RBMS3: variants seen among roughly 807,000 people sequenced by gnomAD.
The protein encoded by RBMS3 is RNA-binding motif, single-stranded-interacting protein 3.
A neutral mutation model predicts 66.8 loss-of-function variants in RBMS3; 27 were observed. The observed-to-expected ratio is 0.40, with a 90% CI of 0.30 to 0.56. The LOEUF (loss-of-function observed/expected upper bound fraction) is 0.56, where lower values mean the gene tolerates loss of function less well. Among genes scored for constraint, RBMS3 ranks in the 20% least tolerant of loss-of-function variants. The probability of loss-of-function intolerance (pLI) is 0.40; values close to 1 mark genes in which losing one functional copy is unlikely to be tolerated. For missense variants in RBMS3, 513 were observed against 549.5 expected, an observed-to-expected ratio of 0.93 and a Z score of 0.66; for synonymous variants, 188 against 183.0, an observed-to-expected ratio of 1.03 and a Z score of -0.22.
intron 4 of RBMS3, among the ~76,000 whole-genome samples, chr3:29,633,015 A>G (rs933192761): frequency 6.6e-6 from 1 of 151,930 alleles, no homozygotes; most frequent in African/African-American, 2.4e-5. Flanking sequence ...ACTTGTATAC[A>G]TTACACTTGA....
At chr3:29,506,036 C>A (rs987663803) in intron 3 of RBMS3, among the ~76,000 whole-genome samples, 1 of 151,818 alleles carries the variant, frequency 6.6e-6, no homozygotes, top group African/African-American at 2.4e-5. Flanking sequence ...GATAATTTAA[C>A]TTCTTCCTTT....
chr3:29,533,651 C>T (rs1017191021), intron 3 of RBMS3, among the ~76,000 whole-genome samples: 1 of 152,074 alleles, frequency 6.6e-6, no homozygotes, highest in African/African-American at 2.4e-5. Flanking sequence ...ATGGCACATG[C>T]CTGTAGTCCC....
At chr3:29,948,775 A>G (rs977080161) in intron 12 of RBMS3, among the ~76,000 whole-genome samples, 4 of 151,840 alleles carry the variant, frequency 2.6e-5, no homozygotes, top group African/African-American at 9.7e-5. Context: ...TTTCTTTGTA[A>G]TAAGTTCTTA....
At chr3:29,617,788 C>A (rs1386045402) in intron 4 of RBMS3, among the ~76,000 whole-genome samples, 2 of 152,072 alleles carry the variant, frequency 1.3e-5, no homozygotes, top group African/African-American at 4.8e-5. Context: ...TGGAAAAAAT[C>A]AATGAATATA....
chr3:29,442,181 C>G lies in RBMS3; in HGVS notation c.248+7266C>G, dbSNP rs140470216. On this transcript the variant is annotated intron_variant, in intron 2 of 14. Coordinates refer to ENST00000383767, the MANE Select transcript of RBMS3 (RefSeq NM_001003793.3). The stretch of plus-strand genomic sequence containing the variant: ...AAGCAAGAAACTCTTCCTATTTTGA[C>G]TCATATGATTAAATTTCTATATATA... Among the ~76,000 whole-genome samples, 849 of 152,174 alleles carry G rather than the reference C, an allele frequency of 5.6e-3. 9 individuals are homozygous for G. Among genetic ancestry groups the G allele is most frequent in the African/African-American group, 0.019 (809 of 41,526 alleles).
chr3:29,690,074 T>C (rs2051911847), intron 4 of RBMS3, among the ~76,000 whole-genome samples: 1 of 151,848 alleles, frequency 6.6e-6, no homozygotes. Flanking sequence ...GTATACATTT[T>C]ATTAATCACA....
intron 4 of RBMS3, among the ~76,000 whole-genome samples, chr3:29,739,433 G>A (rs555940813): frequency 6.9e-6 from 1 of 145,878 alleles, no homozygotes; most frequent in Non-Finnish European, 1.5e-5. Flanking sequence ...TCCAGCCTGG[G>A]CTACAGAGCG....
chr3:29,303,252 G>T (rs755080041), intron 1 of RBMS3, among the ~76,000 whole-genome samples: 20 of 152,030 alleles, frequency 1.3e-4, no homozygotes, highest in Non-Finnish European at 2.8e-4. Flanking sequence ...TGAAGTTGAG[G>T]TCACAACCTT....
intron 1 of RBMS3, among the ~76,000 whole-genome samples, chr3:29,366,612 C>G (rs140075170): frequency 6.6e-6 from 1 of 151,998 alleles, no homozygotes; most frequent in Non-Finnish European, 1.5e-5. Flanking sequence ...TGGGATCAAG[C>G]GATCTGCCCG....
intron 4 of RBMS3, among the ~76,000 whole-genome samples, chr3:29,613,226 G>A (rs1453393439): frequency 6.6e-6 from 1 of 152,136 alleles, no homozygotes. Flanking sequence ...CGGATCATAT[G>A]TTAGTTCTGT....
intron 4 of RBMS3, among the ~76,000 whole-genome samples, chr3:29,650,175 A>T (rs2050089998): frequency 6.6e-6 from 1 of 152,202 alleles, no homozygotes; most frequent in Non-Finnish European, 1.5e-5. Context: ...GCAATATTTT[A>T]CAAACAGAAA....
intron 3 of RBMS3, among the ~76,000 whole-genome samples, chr3:29,519,702 G>A (rs919738443): frequency 6.6e-6 from 1 of 152,080 alleles, no homozygotes; most frequent in Non-Finnish European, 1.5e-5. Context: ...AACATTAAGG[G>A]ATAGATTTTA....
intron 2 of RBMS3, among the ~76,000 whole-genome samples, chr3:29,442,427 G>A (rs1006841647): frequency 7.2e-5 from 11 of 151,968 alleles, no homozygotes; most frequent in South Asian, 2.1e-4. Context: ...CCTGATAGCC[G>A]ATGATATTTT....
rs1018878410 is a variant in RBMS3, at chr3:29,529,248, C to A, written c.307+40749C>A. On this transcript the variant is annotated intron_variant, in intron 3 of 14. Coordinates refer to ENST00000383767, the MANE Select transcript of RBMS3 (RefSeq NM_001003793.3). The stretch of plus-strand genomic sequence containing the variant: ...GGATAAGCACTTTGTGATAGAAGAC[C>A]CAAAAACCTACCATATTTGAGAGGT... 4.6e-5 allele frequency among the ~76,000 whole-genome samples: 7 copies of A among 152,124 alleles called. No individual in the cohort carries two copies. The East Asian group carries it at 1.4e-3, about 29-fold the overall frequency.
chr3:29,800,993 GCACA>G (rs2057369974), intron 6 of RBMS3, among the ~76,000 whole-genome samples: 1 of 130,742 alleles, frequency 7.6e-6, no homozygotes, highest in Non-Finnish European at 1.7e-5. Flanking sequence ...GTGCATGCGT[GCACA>G]CACGCATGCA....
intron 4 of RBMS3, among the ~76,000 whole-genome samples, chr3:29,646,306 AC>A (rs1476304213): frequency 6.6e-6 from 1 of 152,220 alleles, no homozygotes; most frequent in East Asian, 1.9e-4. Flanking sequence ...GAGAATGTCT[AC>A]ATTGGCTTAG....
chr3:29,339,124 G>A (rs1345261745), intron 1 of RBMS3, among the ~76,000 whole-genome samples: 5 of 152,186 alleles, frequency 3.3e-5, no homozygotes, highest in Non-Finnish European at 5.9e-5. Flanking sequence ...TGGAAAGGAT[G>A]AGTTAGTAGA....
chr3:29,984,217 G>A (rs1698209255), intron 12 of RBMS3, among the ~76,000 whole-genome samples: 1 of 151,728 alleles, frequency 6.6e-6, no homozygotes, highest in South Asian at 2.1e-4. Flanking sequence ...AATGATACTT[G>A]TCTATGCTTC....
At chr3:29,762,670 G>A (rs1487000574) in intron 5 of RBMS3, among the ~76,000 whole-genome samples, 2 of 152,078 alleles carry the variant, frequency 1.3e-5, no homozygotes, top group South Asian at 2.1e-4. Flanking sequence ...ACCTCTGAAC[G>A]AGTGCTCAGA....
Sources: gnomAD v4.1 joint callset for allele counts (sites outside exome capture counted in the v4.1 genomes callset) on GRCh38, gnomAD v4.1.1 for gene constraint, MANE v1.5 for transcripts, NCBI Gene and HGNC (gene_info 2026-07-23, HGNC 2026-07-21) for gene names.